Variants in ZNF423 observed in about 807,000 individuals in gnomAD.
ZNF423 encodes the protein Ebf-associated zinc finger protein.
ZNF423 carries 12 observed loss-of-function variants against 95.8 expected under a neutral mutation model. That is an observed-to-expected ratio of 0.13 (90% CI 0.08 to 0.20). The LOEUF is 0.20. Ranked by LOEUF, ZNF423 falls within the 10% of genes least tolerant of loss-of-function variation. The pLI, the probability that ZNF423 is intolerant of heterozygous loss-of-function variation, is 1.00. For missense variants in ZNF423, 1,316 were observed against 1,737.1 expected (o/e 0.76, Z 4.31); for synonymous variants, 749 against 711.9 (o/e 1.05, Z -0.83).
intron 7 of ZNF423, among the ~76,000 whole-genome samples, chr16:49,500,798 C>T (rs1402348090): frequency 6.6e-6 from 1 of 151,492 alleles, no homozygotes; most frequent in Non-Finnish European, 1.5e-5. Flanking sequence ...GTCCCAGCTA[C>T]TCGGATGGCT....
chr16:49,547,592 C>T (rs1164215892), intron 5 of ZNF423, among the ~76,000 whole-genome samples: 1 of 152,202 alleles, frequency 6.6e-6, no homozygotes, highest in Non-Finnish European at 1.5e-5. Flanking sequence ...TGGGTCAGCT[C>T]CACAGTGGTG....
At chr16:49,641,260 G>A (rs867882483) in intron 3 of ZNF423, among the ~76,000 whole-genome samples, 2 of 152,210 alleles carry the variant, frequency 1.3e-5, no homozygotes, top group Admixed American at 6.5e-5. Flanking sequence ...CCCCTTGATC[G>A]TGATGTGGGC....
rs560454633 is a variant in ZNF423, at chr16:49,599,162, G to A, written c.3601+27008C>T. On this transcript the variant is annotated intron_variant, in intron 5 of 7. Coordinates refer to ENST00000563137, the MANE Select transcript of ZNF423 (RefSeq NM_001379286.1). ...TGCCTTTGAAATCGCTTACAGGTTG[G>A]AAGTAAATTAAAAACCAAGAAAGAA... Among the ~76,000 whole-genome samples, 701 of 152,228 alleles carry A rather than the reference G, an allele frequency of 4.6e-3. 4 individuals carry two copies. The highest frequency in any genetic ancestry group is 0.016 in the African/African-American group (663 of 41,528).
At chr16:49,786,405 G>C (rs557584192) in intron 2 of ZNF423, among the ~76,000 whole-genome samples, 2 of 152,340 alleles carry the variant, frequency 1.3e-5, no homozygotes, top group African/African-American at 4.8e-5. Context: ...GCTGGGAAAA[G>C]CAGGGGAGAG....
At chr16:49,575,563 G>A (rs190086142) in intron 5 of ZNF423, among the ~76,000 whole-genome samples, 1 of 152,178 alleles carries the variant, frequency 6.6e-6, no homozygotes, top group Non-Finnish European at 1.5e-5. Context: ...CAGGGAGATA[G>A]GCCCGACTGT....
chr16:49,836,486 T>A (rs1033920829), intron 1 of ZNF423, among the ~76,000 whole-genome samples: 2 of 152,000 alleles, frequency 1.3e-5, no homozygotes, highest in African/African-American at 4.8e-5. Flanking sequence ...TCCGGCATGG[T>A]GCTGGCTCAC....
intron 2 of ZNF423, among the ~76,000 whole-genome samples, chr16:49,744,373 G>T (rs150667789): frequency 6.6e-6 from 1 of 151,502 alleles, no homozygotes; most frequent in South Asian, 2.1e-4. Flanking sequence ...TCCCCAGGCC[G>T]AGCACACACA....
In ZNF423 at chr16:49,636,657, A is replaced by C. The variant is rs1972728610; in HGVS notation, c.2519T>G (p.Val840Gly). ...LEKHLREKHC[V>G]FDAATENGTA... ...GCCGTTCTCGGTCGCAGCATCAAAC[A>C]CACAGTGCTTCTCCCGCAGGTGCTT... The change falls in exon 4 of 8, where the codon GTG becomes GGG. Residue 840 changes from valine to glycine, a missense_variant. Transcript: ENST00000563137. This position sits in a 1 kb window ranked among gnomAD's most constrained non-coding sequence, Gnocchi z 8.6. 1 of 1,613,852 alleles carries C rather than the reference A, an allele frequency of 6.2e-7. No homozygotes were observed. The highest frequency in any genetic ancestry group is 1.7e-5 in the Admixed American group (1 of 59,996).
chr16:49,577,879 C>A (rs566440488), intron 5 of ZNF423, among the ~76,000 whole-genome samples: 1 of 152,352 alleles, frequency 6.6e-6, no homozygotes, highest in Non-Finnish European at 1.5e-5. Context: ...GACCCGGCTC[C>A]CAGCCACCCT....
At chr16:49,751,343 T>G (rs909651951) in intron 2 of ZNF423, among the ~76,000 whole-genome samples, 9 of 152,004 alleles carry the variant, frequency 5.9e-5, no homozygotes. Context: ...CACCTCAGCC[T>G]CCCAAGCACC....
chr16:49,821,968 C>T (rs555830458), intron 1 of ZNF423, among the ~76,000 whole-genome samples: 2 of 152,262 alleles, frequency 1.3e-5, no homozygotes, highest in African/African-American at 2.4e-5. Flanking sequence ...CTCTCTCTCC[C>T]GGAGAAGGTT....
At chr16:49,570,067 T>C (rs529914224) in intron 5 of ZNF423, among the ~76,000 whole-genome samples, 2 of 152,272 alleles carry the variant, frequency 1.3e-5, no homozygotes, top group South Asian at 4.1e-4. Flanking sequence ...ACTATGGCTG[T>C]TAAACAAAAT....
Position 49,492,579 on chromosome 16 carries a change from C to T in ZNF423, c.3850-1275G>A, listed in dbSNP as rs1171028992. On this transcript the variant is annotated intron_variant, in intron 7 of 7. Transcript: ENST00000563137. This position sits in a 1 kb window ranked among gnomAD's most constrained non-coding sequence, Gnocchi z 4.2. ...GACGGGCACTGCGAAGGCTGCGGCC[C>T]CCGTGGTAATGTCACCGACCCTTCC... Among the ~76,000 whole-genome samples the T allele has an allele frequency of 1.3e-5, 2 of 152,160 alleles. No homozygotes were observed. Among genetic ancestry groups the T allele is most frequent in the East Asian group, 3.9e-4 (2 of 5,168 alleles).
At chr16:49,850,206 C>T (rs1010118394) in intron 1 of ZNF423, among the ~76,000 whole-genome samples, 3 of 152,180 alleles carry the variant, frequency 2.0e-5, no homozygotes, top group African/African-American at 7.2e-5. Flanking sequence ...AGCATTTCCT[C>T]ACTCACTTCA....
At chr16:49,706,443 T>G (rs1567302349) in intron 3 of ZNF423, among the ~76,000 whole-genome samples, 1 of 152,242 alleles carries the variant, frequency 6.6e-6, no homozygotes, top group Non-Finnish European at 1.5e-5. Context: ...CCTCCAGTCC[T>G]GTGCTCTAAA....
chr16:49,854,958 C>A, intron 1 of ZNF423: 1 of 984,928 alleles, frequency 1.0e-6, no homozygotes, highest in Non-Finnish European at 1.2e-6. Flanking sequence ...TGCCCGGGGT[C>A]AGATCCGGGG....
chr16:49,630,488 C>T (rs1180896935), intron 4 of ZNF423, among the ~76,000 whole-genome samples: 1 of 152,136 alleles, frequency 6.6e-6, no homozygotes, highest in African/African-American at 2.4e-5. Context: ...CCATGGGAGG[C>T]CTGCTGGATG....
chr16:49,732,200 G>A (rs932809364), intron 2 of ZNF423, among the ~76,000 whole-genome samples: 2 of 152,144 alleles, frequency 1.3e-5, no homozygotes, highest in East Asian at 1.9e-4. Context: ...GCTCAACTTC[G>A]TGACTCCTGG....
At chr16:49,588,044 G>A (rs1183533687) in intron 5 of ZNF423, among the ~76,000 whole-genome samples, 2 of 152,174 alleles carry the variant, frequency 1.3e-5, no homozygotes, top group Non-Finnish European at 2.9e-5. Context: ...TATTCCTCTA[G>A]GATAGGAGCT....
Sources: allele counts gnomAD v4.1 joint callset (sites outside exome capture counted in the v4.1 genomes callset), GRCh38; gene constraint gnomAD v4.1.1; non-coding constraint Gnocchi (gnomAD v3.1); transcripts MANE v1.5; gene names NCBI Gene and HGNC (gene_info 2026-07-23, HGNC 2026-07-21).